RALGDS: variants seen among roughly 807,000 people sequenced by gnomAD.
RALGDS encodes the protein ral guanine nucleotide dissociation stimulator.
A neutral mutation model predicts 99.8 loss-of-function variants in RALGDS; 44 were observed. The observed-to-expected ratio is 0.44, with a 90% CI of 0.35 to 0.57. The LOEUF (loss-of-function observed/expected upper bound fraction) is 0.57, where lower values mean the gene tolerates loss of function less well. Among genes scored for constraint, RALGDS ranks in the 20% least tolerant of loss-of-function variants. The pLI is 0.01. For missense variants in RALGDS, 1,022 were observed against 1,203.1 expected, an observed-to-expected ratio of 0.85 and a Z score of 2.23; for synonymous variants, 529 against 505.0, an observed-to-expected ratio of 1.05 and a Z score of -0.64.
upstream of RALGDS, among the ~76,000 whole-genome samples, chr9:133,121,721 G>A (rs114947126): frequency 3.8e-3 from 585 of 152,326 alleles, 6 homozygotes; most frequent in African/African-American, 0.014. Context: ...GGAAAATCTG[G>A]GTAGTGAAAA....
chr9:133,128,096 G>C (rs573141400), intron 1 of RALGDS, among the ~76,000 whole-genome samples: 5 of 152,326 alleles, frequency 3.3e-5, no homozygotes, highest in African/African-American at 1.2e-4. Context: ...CGCTCGGACA[G>C]CTGTCCCCCA....
chr9:133,103,013 C>A, intron 12 of RALGDS, 113 bp from the exon 13 acceptor site: 1 of 1,504,886 alleles, frequency 6.6e-7, no homozygotes, highest in South Asian at 1.2e-5. Flanking sequence ...CCATCCAGGC[C>A]TTCCTGTTCT....
At chr9:133,105,296 T>TC (rs1020232968) in intron 9 of RALGDS, among the ~76,000 whole-genome samples, 21 of 152,162 alleles carry the variant, frequency 1.4e-4, no homozygotes, top group African/African-American at 5.1e-4. Context: ...GCCTCGTGAA[T>TC]CCATTAGTCA....
chr9:133,132,917 G>A (rs1427826736), upstream of RALGDS, among the ~76,000 whole-genome samples: 12 of 152,162 alleles, frequency 7.9e-5, no homozygotes, highest in Non-Finnish European at 1.0e-4. Context: ...GATTACAGGC[G>A]TGAGCCACCG....
chr9:133,114,046 G>T lies in RALGDS; in HGVS notation c.184-1894C>A, dbSNP rs529131963. Among the ~76,000 whole-genome samples the T allele has an allele frequency of 4.3e-3, 656 of 152,342 alleles. 5 individuals carry two copies. Among genetic ancestry groups the T allele is most frequent in the African/African-American group, 0.015 (604 of 41,578 alleles). On this transcript the variant is annotated intron_variant, in intron 1 of 17. Transcript: ENST00000372050. Reference sequence around the variant, plus strand: ...AGGTGGCCTCGGCTGTCCCTGAGCAGGTCTAGAGAGCGGCTCCTCCGTGAG... The same window carrying T: ...AGGTGGCCTCGGCTGTCCCTGAGCATGTCTAGAGAGCGGCTCCTCCGTGAG...
At position 133,103,771 on chromosome 9, in the gene RALGDS, G is replaced by C; in HGVS notation, c.1734C>G (p.Asp578Glu). The C allele has an allele frequency of 6.2e-7, 1 of 1,613,444 alleles. No homozygotes were observed. The highest frequency in any genetic ancestry group is 8.5e-7 in the Non-Finnish European group (1 of 1,179,966). ...CATACAGATAGTCCTTCATGGCAGT[G>C]TCCAGCATCACCAGGTCGGTGAGGA... ...GTFLTDLVML[D>E]TAMKDYLYGR... The change falls in exon 11 of 18, where the codon GAC (aspartate) becomes GAG (glutamate). Residue 578 changes from aspartate to glutamate, a missense_variant. By Grantham distance (45) the Asp-to-Glu change is conservative. Coordinates refer to ENST00000372050, the MANE Select transcript of RALGDS (RefSeq NM_006266.4).
intron 8 of RALGDS, 42 bp from the exon 9 acceptor site, chr9:133,106,058 T>G: frequency 1.3e-6 from 2 of 1,493,756 alleles, no homozygotes; most frequent in Non-Finnish European, 1.9e-6. Flanking sequence ...CTGGGAATGG[T>G]AGGGAGGGGT....
intron 16 of RALGDS, 82 bp from the exon 17 acceptor site, chr9:133,100,464 G>A: frequency 6.2e-7 from 1 of 1,607,788 alleles, no homozygotes; most frequent in Non-Finnish European, 8.5e-7. Context: ...GGACCCTCTG[G>A]AGTCCCCTCA....
intron 1 of RALGDS, among the ~76,000 whole-genome samples, chr9:133,120,394 G>C (rs1440163174): frequency 6.6e-6 from 1 of 151,010 alleles, no homozygotes; most frequent in Admixed American, 6.6e-5. Context: ...CTGGTCCCAC[G>C]TGTTGGAGGC....
intron 1 of RALGDS, among the ~76,000 whole-genome samples, chr9:133,148,057 C>T (rs1013354863): frequency 1.3e-5 from 2 of 152,180 alleles, no homozygotes; most frequent in Admixed American, 6.5e-5. Context: ...CCTTCAGCCC[C>T]CCCGGCTTCT....
chr9:133,109,458 T>G (rs963335121), intron 4 of RALGDS, among the ~76,000 whole-genome samples, 168 bp downstream of exon 4: 1 of 152,156 alleles, frequency 6.6e-6, no homozygotes, highest in African/African-American at 2.4e-5. Context: ...TCGGTCGTCT[T>G]TCTTCCTGCA....
chr9:133,115,910 C>G (rs889345896), intron 1 of RALGDS, among the ~76,000 whole-genome samples: 1 of 152,264 alleles, frequency 6.6e-6, no homozygotes, highest in Admixed American at 6.5e-5. Flanking sequence ...AAACGTAAAA[C>G]GCATCACAGA....
chr9:133,103,146 G>T, intron 12 of RALGDS, 84 bp downstream of exon 12: 1 of 1,544,694 alleles, frequency 6.5e-7, no homozygotes, highest in Non-Finnish European at 8.9e-7. Context: ...ATGAATCTAA[G>T]GAGAGGGTAG....
intron 1 of RALGDS, among the ~76,000 whole-genome samples, chr9:133,126,728 G>T (rs566689223): frequency 6.6e-6 from 1 of 152,230 alleles, no homozygotes; most frequent in Non-Finnish European, 1.5e-5. Context: ...ACACACAGAT[G>T]GAAACTGAGC....
At chr9:133,146,947 G>A (rs896332783) in intron 1 of RALGDS, among the ~76,000 whole-genome samples, 2 of 152,220 alleles carry the variant, frequency 1.3e-5, no homozygotes, top group Non-Finnish European at 2.9e-5. Context: ...TGAGACCCCA[G>A]TCCCAGCCTC....
intron 1 of RALGDS, among the ~76,000 whole-genome samples, chr9:133,120,428 A>ACCCCCCCCCCCCCCCCCC (rs71378548): frequency 2.8e-4 from 17 of 59,994 alleles, no homozygotes; most frequent in Non-Finnish European, 4.0e-4. Context: ...CCATCCCCCG[A>ACCCCCCCCCCCCCCCCCC]CCCCCCCCCC....
intron 1 of RALGDS, among the ~76,000 whole-genome samples, chr9:133,148,544 T>A (rs565716278): frequency 6.0e-4 from 92 of 152,112 alleles, no homozygotes; most frequent in African/African-American, 2.2e-3. Flanking sequence ...CCAGGAAGTG[T>A]GTGGTGTGTG....
chr9:133,103,619 C>G, intron 11 of RALGDS, 128 bp downstream of exon 11: 1 of 1,006,552 alleles, frequency 9.9e-7, no homozygotes, highest in South Asian at 1.3e-5. Flanking sequence ...TTGGGCAGCC[C>G]TGGGGTGTCA....
At chr9:133,141,042 CT>C (rs960782631) in intron 1 of RALGDS, among the ~76,000 whole-genome samples, 20 of 152,302 alleles carry the variant, frequency 1.3e-4, no homozygotes, top group African/African-American at 4.6e-4. Flanking sequence ...GGGCACACCC[CT>C]TGCCCATTTG....
Sources: gnomAD v4.1 joint callset for allele counts (sites outside exome capture counted in the v4.1 genomes callset) on GRCh38, gnomAD v4.1.1 for gene constraint, MANE v1.5 for transcripts, NCBI Gene and HGNC (gene_info 2026-07-23, HGNC 2026-07-21) for gene names.